Variants in MAST4 observed in about 807,000 individuals in gnomAD.
MAST4 encodes the protein microtubule associated serine/threonine kinase family member 4.
Under a neutral mutation model 162.7 loss-of-function variants are expected in MAST4, and 89 were observed. The ratio of observed to expected loss-of-function variants is 0.55; its 90% CI spans 0.46 to 0.65. The LOEUF (loss-of-function observed/expected upper bound fraction) is 0.65, where lower values mean the gene tolerates loss of function less well. Among genes scored for constraint, MAST4 ranks in the 30% least tolerant of loss-of-function variants. The pLI is 0.00. For missense variants in MAST4, 3,153 were observed against 3,374.0 expected, an observed-to-expected ratio of 0.93 and a Z score of 1.62; for synonymous variants, 1,479 against 1,361.1, an observed-to-expected ratio of 1.09 and a Z score of -1.91.
chr5:66,754,835 A>T (rs950512844), intron 1 of MAST4, among the ~76,000 whole-genome samples: 1 of 152,234 alleles, frequency 6.6e-6, no homozygotes, highest in Non-Finnish European at 1.5e-5. Flanking sequence ...TACAGAGGGC[A>T]TCCCAGGAAG....
intron 1 of MAST4, among the ~76,000 whole-genome samples, chr5:66,618,033 T>G (rs74335478): frequency 3.0e-4 from 43 of 143,732 alleles, no homozygotes; most frequent in Admixed American, 5.5e-4. Context: ...CTGGGAGGAA[T>G]GGGGGGGGGG....
intron 1 of MAST4, among the ~76,000 whole-genome samples, chr5:66,622,664 T>A (rs1400379668): frequency 6.6e-6 from 1 of 152,146 alleles, no homozygotes; most frequent in Non-Finnish European, 1.5e-5. Context: ...AGGATGTGTA[T>A]TGAACATAAA....
chr5:66,819,693 T>G (rs188670927), intron 3 of MAST4, among the ~76,000 whole-genome samples: 2 of 152,294 alleles, frequency 1.3e-5, no homozygotes, highest in Admixed American at 6.5e-5. Context: ...ATTTTGTGTT[T>G]ACATTTTTTG....
chr5:66,917,847 T>A (rs1423730052), intron 4 of MAST4, among the ~76,000 whole-genome samples: 1 of 152,156 alleles, frequency 6.6e-6, no homozygotes, highest in Non-Finnish European at 1.5e-5. Context: ...CCTTTTACAC[T>A]TTCATGACTT....
At chr5:66,672,222 T>C (rs1747652928) in intron 1 of MAST4, among the ~76,000 whole-genome samples, 1 of 152,254 alleles carries the variant, frequency 6.6e-6, no homozygotes, top group Non-Finnish European at 1.5e-5. Context: ...TGTGTGCATA[T>C]ATGCATAACC....
chr5:67,161,894 A>T (rs1773219391), intron 27 of MAST4, among the ~76,000 whole-genome samples: 1 of 152,208 alleles, frequency 6.6e-6, no homozygotes. Flanking sequence ...AGATCTTACC[A>T]TATATAGGCT....
At chr5:67,051,003 T>C (rs960264446) in intron 4 of MAST4, among the ~76,000 whole-genome samples, 1 of 152,220 alleles carries the variant, frequency 6.6e-6, no homozygotes, top group African/African-American at 2.4e-5. Context: ...AACTTTTCTT[T>C]AGTTTCATTT....
At position 66,828,699 on chromosome 5, in the gene MAST4, C is replaced by T. The variant is rs1431435102; in HGVS notation, c.642+39905C>T. The T allele has an allele frequency of 6.4e-6, 8 of 1,254,952 alleles. No individual in the cohort carries two copies. The East Asian group carries it at 1.5e-4, about 24-fold the overall frequency. 77.7% of individuals were successfully genotyped at this position (1,254,952 alleles called of 1,614,324 possible). ...GAAGTTGCTGGAGTGAATAACTAAGCTGGACCAGCTGACTCCGGGCTCCAA... is the reference window on the plus strand; with the variant it reads ...GAAGTTGCTGGAGTGAATAACTAAGTTGGACCAGCTGACTCCGGGCTCCAA... On this transcript the variant is annotated intron_variant, in intron 3 of 28. Coordinates refer to ENST00000403625, the MANE Select transcript of MAST4 (RefSeq NM_001164664.2).
intron 3 of MAST4, among the ~76,000 whole-genome samples, chr5:66,898,598 AAAAGC>A (rs1293623987): frequency 6.6e-6 from 1 of 151,042 alleles, no homozygotes; most frequent in Non-Finnish European, 1.5e-5. Context: ...GATTAAAGAA[AAAAGC>A]AAAGCAAAGC....
chr5:66,901,344 A>G (rs975846246), intron 4 of MAST4, among the ~76,000 whole-genome samples: 1 of 152,014 alleles, frequency 6.6e-6, no homozygotes, highest in African/African-American at 2.4e-5. Flanking sequence ...TGTTTCCAAC[A>G]ATATTATAAA....
chr5:67,080,642 G>T (rs1762491103), intron 5 of MAST4, among the ~76,000 whole-genome samples: 1 of 152,032 alleles, frequency 6.6e-6, no homozygotes, highest in African/African-American at 2.4e-5. Context: ...AAGAAGGAAT[G>T]ATAAGAATTA....
intron 1 of MAST4, among the ~76,000 whole-genome samples, chr5:66,709,931 A>G (rs1301779016): frequency 6.6e-6 from 1 of 152,138 alleles, no homozygotes; most frequent in East Asian, 1.9e-4. Context: ...AGCCATTCTA[A>G]TGTTAGGACT....
intron 4 of MAST4, among the ~76,000 whole-genome samples, chr5:66,944,333 A>G (rs1263787138): frequency 6.6e-6 from 1 of 152,152 alleles, no homozygotes; most frequent in Non-Finnish European, 1.5e-5. Context: ...GAGTACTTTT[A>G]AAATAAAAAT....
intron 3 of MAST4, among the ~76,000 whole-genome samples, chr5:66,878,501 C>G (rs747078456): frequency 6.6e-6 from 1 of 152,166 alleles, no homozygotes; most frequent in Non-Finnish European, 1.5e-5. Flanking sequence ...AAAGGTGAAG[C>G]CAGGATTCAG....
chr5:66,888,406 T>C (rs1762173533), intron 3 of MAST4, among the ~76,000 whole-genome samples: 1 of 152,194 alleles, frequency 6.6e-6, no homozygotes, highest in Non-Finnish European at 1.5e-5. Flanking sequence ...ATTTCTACAC[T>C]AAAATAGGCT....
chr5:66,997,908 G>A (rs753888923), intron 4 of MAST4, among the ~76,000 whole-genome samples: 5 of 152,140 alleles, frequency 3.3e-5, no homozygotes, highest in Admixed American at 6.5e-5. Flanking sequence ...CATATCTTCC[G>A]ATGTGTGGAA....
intron 4 of MAST4, among the ~76,000 whole-genome samples, chr5:66,906,010 C>T (rs1046176793): frequency 1.3e-5 from 2 of 152,172 alleles, no homozygotes; most frequent in Non-Finnish European, 2.9e-5. Flanking sequence ...GTAGATTTTT[C>T]TCCACAAGAG....
At chr5:66,672,823 A>G (rs1256852377) in intron 1 of MAST4, among the ~76,000 whole-genome samples, 8 of 152,196 alleles carry the variant, frequency 5.3e-5, no homozygotes, top group African/African-American at 1.9e-4. Context: ...GTTAAGTCAT[A>G]GAATAATTAT....
intron 2 of MAST4, among the ~76,000 whole-genome samples, chr5:66,768,009 A>G (rs1364909648): frequency 6.6e-6 from 1 of 152,154 alleles, no homozygotes; most frequent in Non-Finnish European, 1.5e-5. Context: ...TCAAGTTGAC[A>G]CTCAGTATTA....
Sources: allele counts gnomAD v4.1 joint callset (sites outside exome capture counted in the v4.1 genomes callset), GRCh38; gene constraint gnomAD v4.1.1; transcripts MANE v1.5; gene names NCBI Gene and HGNC (gene_info 2026-07-23, HGNC 2026-07-21).